The following SCN11A variants were observed in gnomAD, a reference collection of about 807,000 sequenced individuals.
The protein encoded by SCN11A is sodium channel protein type 11 subunit alpha.
SCN11A carries 122 observed loss-of-function variants against 162.2 expected under a neutral mutation model. The observed-to-expected ratio is 0.75, with a 90% CI of 0.65 to 0.87. The LOEUF is 0.87. Among genes scored for constraint, SCN11A ranks in the 40% least tolerant of loss-of-function variants. SCN11A has a pLI of 0.00. For missense variants in SCN11A, 2,015 were observed against 2,181.6 expected (o/e 0.92, Z 1.52); for synonymous variants, 758 against 751.5 (o/e 1.01, Z -0.14).
intron 6 of SCN11A, 60 bp from the exon 7 acceptor site, chr3:38,945,572 G>T: frequency 8.3e-7 from 1 of 1,205,578 alleles, no homozygotes; most frequent in Non-Finnish European, 1.1e-6. Flanking sequence ...TAGCTACTGG[G>T]TAAGACTGGG....
At chr3:38,948,118 C>T (rs1470014017) in intron 5 of SCN11A, among the ~76,000 whole-genome samples, 1 of 152,190 alleles carries the variant, frequency 6.6e-6, no homozygotes, top group Non-Finnish European at 1.5e-5. Flanking sequence ...TCTTTGCCCC[C>T]ATAATAATGA....
chr3:38,894,929 G>C lies in SCN11A; in HGVS notation c.2439C>G (p.Ser813=). Residue 813 remains serine, a synonymous_variant, in exon 19 of 30, where the codon TCC becomes TCG. Coordinates refer to ENST00000302328, the MANE Select transcript of SCN11A (RefSeq NM_001349253.2). The stretch of plus-strand genomic sequence containing the variant: ...TTCCATTTCTTTCCTCATTGCTAAA[G>C]GAATTGAGCAGTAAGGCAATGAAGA... ...LNLFIALLLN[S]FSNEERNGNL... 1 of 1,613,426 alleles carries C rather than the reference G, an allele frequency of 6.2e-7. No individual in the cohort carries two copies. Among genetic ancestry groups the C allele is most frequent in the Non-Finnish European group, 8.5e-7 (1 of 1,179,528 alleles).
Position 38,993,157 on chromosome 3 carries a change from G to C in SCN11A, c.-279-32734C>G, listed in dbSNP as rs560893807. Among the ~76,000 whole-genome samples, 3 of 152,334 alleles carry C rather than the reference G, an allele frequency of 2.0e-5. No homozygotes were observed. The East Asian group carries it at 5.8e-4, about 29-fold the overall frequency. On this transcript the variant is annotated intron_variant, in intron 2 of 29. Coordinates refer to ENST00000302328, the MANE Select transcript of SCN11A (RefSeq NM_001349253.2). The stretch of plus-strand genomic sequence containing the variant: ...TGTTTGAGATGACTGTGACTCCCAA[G>C]TGCTTGAGAATCCACCTGGACTCCT...
intron 9 of SCN11A, among the ~76,000 whole-genome samples, chr3:38,923,587 G>A (rs996855897): frequency 1.2e-4 from 18 of 152,156 alleles, no homozygotes; most frequent in Admixed American, 9.8e-4. Context: ...CAATTGATCA[G>A]TCAGGAAATG....
intron 2 of SCN11A, among the ~76,000 whole-genome samples, chr3:38,987,985 A>C (rs188918635): frequency 6.6e-6 from 1 of 152,314 alleles, no homozygotes; most frequent in South Asian, 2.1e-4. Flanking sequence ...AGCGTGAGGG[A>C]AACAGTCATA....
chr3:38,930,089 C>G (rs1009094415), intron 7 of SCN11A, among the ~76,000 whole-genome samples: 1 of 152,094 alleles, frequency 6.6e-6, no homozygotes, highest in Non-Finnish European at 1.5e-5. Flanking sequence ...TGCAAAAATA[C>G]TGAGTCTGCA....
intron 1 of SCN11A, among the ~76,000 whole-genome samples, chr3:39,037,536 T>C (rs1460852974): frequency 6.6e-6 from 1 of 152,198 alleles, no homozygotes; most frequent in Non-Finnish European, 1.5e-5. Flanking sequence ...AGATACGCCA[T>C]ATACCCTGAT....
In SCN11A at chr3:39,034,246, C is replaced by T. The variant is rs528535090; in HGVS notation, c.-403-1743G>A. ...GAATTCATCAGCACATTAAAAAGAT[C>T]GTTCATTATGACCAAGTGGAATTCA... On this transcript the variant is annotated intron_variant, in intron 1 of 29. Coordinates refer to ENST00000302328, the MANE Select transcript of SCN11A (RefSeq NM_001349253.2). Among the ~76,000 whole-genome samples, 6 of 152,150 alleles carry T rather than the reference C, an allele frequency of 3.9e-5. No homozygotes were observed. In the South Asian group the frequency reaches 6.2e-4, roughly 16 times the overall value.
chr3:38,881,188 C>T (rs1002481580), intron 22 of SCN11A, among the ~76,000 whole-genome samples: 1 of 152,208 alleles, frequency 6.6e-6, no homozygotes, highest in Admixed American at 6.5e-5. Flanking sequence ...GAAACTGTCC[C>T]GTTCCAGCAG....
At chr3:38,897,653 T>TAAACC (rs1258406437) in intron 17 of SCN11A, among the ~76,000 whole-genome samples, 14 of 150,468 alleles carry the variant, frequency 9.3e-5, no homozygotes, top group Non-Finnish European at 2.1e-4. Flanking sequence ...GAGTCAGAGG[T>TAAACC]TGCAGTGAGC....
intron 28 of SCN11A, among the ~76,000 whole-genome samples, chr3:38,859,942 G>A (rs1474806382): frequency 6.6e-6 from 1 of 152,098 alleles, no homozygotes; most frequent in Non-Finnish European, 1.5e-5. Context: ...AATTGCTCCT[G>A]GGGATAACAT....
intron 2 of SCN11A, among the ~76,000 whole-genome samples, chr3:38,976,573 A>G (rs1057152422): frequency 1.3e-5 from 2 of 152,228 alleles, no homozygotes; most frequent in African/African-American, 4.8e-5. Flanking sequence ...GGAATGCTCA[A>G]CCGGCCTGCA....
intron 23 of SCN11A, among the ~76,000 whole-genome samples, chr3:38,875,125 T>C (rs551613599): frequency 1.7e-4 from 26 of 152,280 alleles, no homozygotes; most frequent in African/African-American, 6.0e-4. Flanking sequence ...GTCATACAGC[T>C]GATAAGTGGT....
intron 2 of SCN11A, among the ~76,000 whole-genome samples, chr3:38,992,060 C>T (rs1384739500): frequency 2.0e-5 from 3 of 152,104 alleles, no homozygotes; most frequent in East Asian, 3.9e-4. Flanking sequence ...CTGCCCATCT[C>T]GGCCTCCCAA....
chr3:38,977,439 T>C (rs1474732503), intron 2 of SCN11A, among the ~76,000 whole-genome samples: 2 of 152,212 alleles, frequency 1.3e-5, no homozygotes, highest in Non-Finnish European at 2.9e-5. Context: ...TTGTAAGTTG[T>C]AGATGGTAGT....
chr3:38,970,426 C>T (rs1051036235), intron 2 of SCN11A, among the ~76,000 whole-genome samples: 1 of 152,150 alleles, frequency 6.6e-6, no homozygotes, highest in African/African-American at 2.4e-5. Flanking sequence ...AAATATGTCA[C>T]CAGCTCATTA....
chr3:38,948,286 CT>C (rs1216273447), intron 5 of SCN11A, among the ~76,000 whole-genome samples: 17 of 152,320 alleles, frequency 1.1e-4, no homozygotes, highest in African/African-American at 3.6e-4. Context: ...CAATATGGCT[CT>C]CCTTCTGTGC....
intron 7 of SCN11A, among the ~76,000 whole-genome samples, chr3:38,944,240 T>G (rs2125571702): frequency 6.6e-6 from 1 of 152,360 alleles, no homozygotes; most frequent in African/African-American, 2.4e-5. Context: ...ACACTGCTGA[T>G]GGCAGAGCAA....
At chr3:38,939,817 C>T (rs1051211409) in intron 7 of SCN11A, among the ~76,000 whole-genome samples, 2 of 151,628 alleles carry the variant, frequency 1.3e-5, no homozygotes, top group African/African-American at 2.4e-5. Flanking sequence ...TCAGGAGAAT[C>T]GCTTGAACCC....
Sources: gnomAD v4.1 joint callset for allele counts (sites outside exome capture counted in the v4.1 genomes callset) on GRCh38, gnomAD v4.1.1 for gene constraint, MANE v1.5 for transcripts, NCBI Gene and HGNC (gene_info 2026-07-23, HGNC 2026-07-21) for gene names.